Variants in KLRG2 observed in about 807,000 individuals in gnomAD.
KLRG2 encodes the protein killer cell lectin like receptor G2, also known as killer cell lectin-like receptor subfamily G member 2.
KLRG2 carries 39 observed loss-of-function variants against 35.4 expected under a neutral mutation model. That is an observed-to-expected ratio of 1.10 (90% CI 0.85 to 1.44). The LOEUF is 1.44. Ranked by LOEUF, KLRG2 falls within the 40% of genes most tolerant of loss-of-function variation. The probability of loss-of-function intolerance (pLI) is 0.00; values close to 1 mark genes in which losing one functional copy is unlikely to be tolerated. For synonymous variants in KLRG2, 283 were observed against 265.8 expected (o/e 1.06, Z -0.63); for missense variants, 632 against 570.9 (o/e 1.11, Z -1.09).
intron 3 of KLRG2, among the ~76,000 whole-genome samples, chr7:139,469,932 A>G (rs1056433349): frequency 4.6e-5 from 7 of 152,246 alleles, no homozygotes; most frequent in Non-Finnish European, 1.0e-4. Context: ...CTTATAGCAC[A>G]AGTGTGCCTA....
chr7:139,465,234 A>G (rs944129422), intron 3 of KLRG2, among the ~76,000 whole-genome samples: 2 of 152,228 alleles, frequency 1.3e-5, no homozygotes, highest in African/African-American at 4.8e-5. Flanking sequence ...TTGCTCTTGC[A>G]AAAGGACTAC....
intron 3 of KLRG2, among the ~76,000 whole-genome samples, chr7:139,459,052 G>A (rs17160922): frequency 0.06 from 9,174 of 152,296 alleles, 498 homozygotes; most frequent in East Asian, 0.31. Flanking sequence ...GAATCTTAGC[G>A]TTGGTCTTTT....
chr7:139,479,391 T>C (rs915198961), intron 3 of KLRG2, among the ~76,000 whole-genome samples: 1 of 152,180 alleles, frequency 6.6e-6, no homozygotes, highest in Non-Finnish European at 1.5e-5. Flanking sequence ...AAAAAAAAAT[T>C]TTTTTTAAAG....
chr7:139,455,352 C>T (rs1218281403), intron 3 of KLRG2, among the ~76,000 whole-genome samples: 51 of 118,876 alleles, frequency 4.3e-4, no homozygotes, highest in African/African-American at 9.2e-4. Flanking sequence ...GACAGAGTCT[C>T]GCTCTGTTGC....
the KLRG2 span, among the ~76,000 whole-genome samples, chr7:139,444,476 C>G: frequency 6.6e-6 from 1 of 152,142 alleles, no homozygotes; most frequent in African/African-American, 2.4e-5. Context: ...GCCACCGTGC[C>G]CAGCTGGTAA....
chr7:139,450,128 T>C (rs760640409), downstream of KLRG2, among the ~76,000 whole-genome samples: 4 of 150,448 alleles, frequency 2.7e-5, no homozygotes, highest in Non-Finnish European at 5.9e-5. Context: ...CTGCAACCTC[T>C]GCCTCCCGGG....
At chr7:139,450,769 A>G (rs1047057481), downstream of KLRG2, among the ~76,000 whole-genome samples, 8 of 152,176 alleles carry the variant, frequency 5.3e-5, no homozygotes, top group African/African-American at 1.9e-4. Context: ...TGAGCACTGG[A>G]ACTGGGAGAG....
At chr7:139,458,844 G>A (rs760921179) in intron 3 of KLRG2, among the ~76,000 whole-genome samples, 4 of 152,184 alleles carry the variant, frequency 2.6e-5, no homozygotes, top group Non-Finnish European at 5.9e-5. Context: ...CTGGGAAGAT[G>A]AGCCACGTCT....
chr7:139,444,121 T>A, the KLRG2 span, among the ~76,000 whole-genome samples: 1 of 152,066 alleles, frequency 6.6e-6, no homozygotes, highest in Admixed American at 6.6e-5. Context: ...TCTTTCCAAC[T>A]TCTTCTGCCT....
chr7:139,431,061 A>G, the KLRG2 span, among the ~76,000 whole-genome samples: 1 of 151,722 alleles, frequency 6.6e-6, no homozygotes, highest in African/African-American at 2.4e-5. Flanking sequence ...CTATAAAGGA[A>G]GGGATTACTG....
In KLRG2 at chr7:139,479,608, T is replaced by C. The variant is rs374625437; in HGVS notation, c.1005+19A>G. 9.9e-6 allele frequency: 16 copies of C among 1,608,144 alleles called. No individual in the cohort carries two copies. The African/African-American group carries it at 1.3e-4, about 13-fold the overall frequency. ...CTAGAAAGATCTGTACCCCCTTAGATTGGACACCCCCTTCTCACCTGGGTG... is the reference window on the plus strand; with the variant it reads ...CTAGAAAGATCTGTACCCCCTTAGACTGGACACCCCCTTCTCACCTGGGTG... On this transcript the variant is annotated intron_variant, in intron 3 of 4. Transcript: ENST00000340940.
the KLRG2 span, among the ~76,000 whole-genome samples, chr7:139,438,167 A>T: frequency 6.6e-6 from 1 of 152,252 alleles, no homozygotes; most frequent in East Asian, 1.9e-4. Context: ...CAACTTGCAG[A>T]TGTAGGGGAG....
chr7:139,473,047 C>T (rs957922915), intron 3 of KLRG2, among the ~76,000 whole-genome samples: 5 of 152,112 alleles, frequency 3.3e-5, no homozygotes, highest in African/African-American at 9.7e-5. Context: ...TTTGGGAGGC[C>T]GAGGTGGGTG....
chr7:139,431,015 A>G, the KLRG2 span, among the ~76,000 whole-genome samples: 1 of 149,554 alleles, frequency 6.7e-6, no homozygotes, highest in Non-Finnish European at 1.5e-5. Flanking sequence ...CTGTCTCAGA[A>G]AAAAAAAAAA....
chr7:139,480,395 G>A lies in KLRG2; in HGVS notation c.758-148C>T, dbSNP rs142779600. 6.4e-4 allele frequency: 269 copies of A among 421,240 alleles called. 2 individuals are homozygous for A. Among genetic ancestry groups the A allele is most frequent in the African/African-American group, 5.5e-3 (248 of 45,478 alleles). The allele number at this position is 421,240 out of a possible 1,614,324, so 26.1% of individuals were successfully genotyped here. ...CTGGGATGCCAACATAAACCACAAC[G>A]TTTAAGTTCCAACTTTATATTCTGG... On this transcript the variant is annotated intron_variant, in intron 1 of 4. Transcript: ENST00000340940.
At chr7:139,435,070 C>G in the KLRG2 span, among the ~76,000 whole-genome samples, 2 of 152,106 alleles carry the variant, frequency 1.3e-5, no homozygotes, top group Non-Finnish European at 2.9e-5. Context: ...TAGATTAACC[C>G]CAGGACCTAC....
chr7:139,463,519 C>T (rs992401680), intron 3 of KLRG2, among the ~76,000 whole-genome samples: 4 of 152,212 alleles, frequency 2.6e-5, no homozygotes, highest in Non-Finnish European at 4.4e-5. Context: ...TAAGCCACAG[C>T]GGCCAGGCGT....
At chr7:139,456,179 C>T (rs895383814) in intron 3 of KLRG2, among the ~76,000 whole-genome samples, 5 of 152,124 alleles carry the variant, frequency 3.3e-5, no homozygotes, top group Non-Finnish European at 5.9e-5. Flanking sequence ...TCAACAAAGA[C>T]AAGCCCTGGG....
the KLRG2 span, among the ~76,000 whole-genome samples, chr7:139,439,757 G>A: frequency 6.6e-6 from 1 of 152,096 alleles, no homozygotes; most frequent in Non-Finnish European, 1.5e-5. Context: ...TGGGAATAGC[G>A]GACACAAAGG....
Sources: allele counts gnomAD v4.1 joint callset (sites outside exome capture counted in the v4.1 genomes callset), GRCh38; gene constraint gnomAD v4.1.1; transcripts MANE v1.5; gene names NCBI Gene and HGNC (gene_info 2026-07-23, HGNC 2026-07-21).